Variants in SOX5 observed in about 807,000 individuals in gnomAD.
SOX5 encodes SRY-box transcription factor 5.
Under a neutral mutation model 92.0 loss-of-function variants are expected in SOX5, and 9 were observed. The ratio of observed to expected loss-of-function variants is 0.10; its 90% CI spans 0.06 to 0.17. SOX5 has a LOEUF of 0.17. Ranked by LOEUF, SOX5 falls within the 10% of genes least tolerant of loss-of-function variation. The pLI, the probability that SOX5 is intolerant of heterozygous loss-of-function variation, is 1.00. For synonymous variants in SOX5, 344 were observed against 336.3 expected (o/e 1.02, Z -0.25); for missense variants, 642 against 944.5 (o/e 0.68, Z 4.20).
intron 4 of SOX5, among the ~76,000 whole-genome samples, chr12:24,187,856 G>A (rs535973862): frequency 1.3e-5 from 2 of 152,260 alleles, no homozygotes; most frequent in South Asian, 4.1e-4. Context: ...GCAGTCTTCC[G>A]TGGCTTAAGG....
At chr12:23,638,148 A>G (rs977315177) in intron 8 of SOX5, 1 of 152,226 alleles carries the variant, frequency 6.6e-6, no homozygotes, top group Non-Finnish European at 1.5e-5. Context: ...AAGCTGTTCA[A>G]TACACAAGAA....
At chr12:23,747,817 G>T (rs933076387) in intron 4 of SOX5, among the ~76,000 whole-genome samples, 1 of 151,880 alleles carries the variant, frequency 6.6e-6, no homozygotes, top group Non-Finnish European at 1.5e-5. Flanking sequence ...TGAAATGACT[G>T]GCTTTTTTCT....
At chr12:23,759,016 C>T (rs74693326) in intron 3 of SOX5, among the ~76,000 whole-genome samples, 2 of 67,794 alleles carry the variant, frequency 3.0e-5, no homozygotes, top group African/African-American at 9.6e-5. Context: ...ACAAAACACA[C>T]ACACACACAC....
chr12:24,157,852 C>A (rs1036070619), intron 4 of SOX5, among the ~76,000 whole-genome samples: 1 of 152,068 alleles, frequency 6.6e-6, no homozygotes. Flanking sequence ...GGGCTTCTGC[C>A]TCCATGAGTC....
At chr12:24,366,465 T>C (rs1956182281) in intron 2 of SOX5, among the ~76,000 whole-genome samples, 1 of 152,150 alleles carries the variant, frequency 6.6e-6, no homozygotes, top group African/African-American at 2.4e-5. Flanking sequence ...GTTGAAGCAA[T>C]GCCCCGCCAC....
chr12:23,577,191 A>ATTTTTTTT (rs1175798388), intron 9 of SOX5, among the ~76,000 whole-genome samples: 15 of 61,406 alleles, frequency 2.4e-4, no homozygotes, highest in South Asian at 6.1e-4. Flanking sequence ...ATATATATAT[A>ATTTTTTTT]TTTTTTTTTT....
chr12:23,630,821 T>A (rs541616916), intron 8 of SOX5, among the ~76,000 whole-genome samples: 14 of 152,102 alleles, frequency 9.2e-5, no homozygotes, highest in Non-Finnish European at 1.6e-4. Context: ...AGAACCACAC[T>A]TATAACCATT....
intron 6 of SOX5, among the ~76,000 whole-genome samples, chr12:23,665,947 T>C (rs2139435416): frequency 6.6e-6 from 1 of 152,260 alleles, no homozygotes; most frequent in South Asian, 2.1e-4. Context: ...TTGGGACTAA[T>C]TCTACCATCT....
At chr12:24,226,578 C>T (rs1023552886) in intron 3 of SOX5, among the ~76,000 whole-genome samples, 3 of 152,102 alleles carry the variant, frequency 2.0e-5, no homozygotes, top group Non-Finnish European at 4.4e-5. Context: ...TCAAGCAATT[C>T]TCCTGCCTCA....
In SOX5 at chr12:24,129,384, C is replaced by T. The variant is rs571128471; in HGVS notation, c.-2+83959G>A. On this transcript the variant is annotated intron_variant, in intron 4 of 4. Coordinates refer to the SOX5 transcript ENST00000446891. ...GACTCTATTAACTACAATTTTATTA[C>T]CCAGTGTGTTATCCATTCCTTATCT... is the stretch of plus-strand genomic sequence containing the variant. Among the ~76,000 whole-genome samples, 24 of 152,156 alleles carry T rather than the reference C, an allele frequency of 1.6e-4. No individual in the cohort carries two copies. In the South Asian group the frequency reaches 4.8e-3, roughly 30 times the overall value.
At chr12:23,609,005 TAA>T (rs910789557) in intron 8 of SOX5, among the ~76,000 whole-genome samples, 1 of 152,126 alleles carries the variant, frequency 6.6e-6, no homozygotes, top group African/African-American at 2.4e-5. Flanking sequence ...TCGAAGGTGT[TAA>T]GAGAGAAGAA....
At chr12:23,875,182 G>A (rs972895114) in intron 2 of SOX5, among the ~76,000 whole-genome samples, 5 of 152,116 alleles carry the variant, frequency 3.3e-5, no homozygotes, top group African/African-American at 9.7e-5. Flanking sequence ...ATCTTATAAC[G>A]AAGCAGGAAG....
rs568540239 is a variant in SOX5 at position 23,832,807 on chromosome 12, A to C, written c.481+13176T>G. On this transcript the variant is annotated intron_variant, in intron 3 of 14. Transcript: ENST00000451604. ...TGCTCACTTTTAGGCAAAAAAAAAA[A>C]CCCTTACTTTAAATTAAAATTTGCA... Among the ~76,000 whole-genome samples, 1,301 of 151,810 alleles carry C rather than the reference A, an allele frequency of 8.6e-3. 9 individuals carry two copies. The highest frequency in any genetic ancestry group is 0.015 in the Non-Finnish European group (1,014 of 67,836).
At position 24,374,053 on chromosome 12, in the gene SOX5, C is replaced by T. The variant is rs971859790; in HGVS notation, c.-250-5414G>A. Among the ~76,000 whole-genome samples, 5 of 152,174 alleles carry T rather than the reference C, an allele frequency of 3.3e-5. No homozygotes were observed. The East Asian group carries it at 9.6e-4, about 29-fold the overall frequency. ...ACAAAAGCAAAATGCAGATCATAAACAGCCAGTGTGGGAGCTCTCACACAC... is the reference window on the plus strand; with the variant it reads ...ACAAAAGCAAAATGCAGATCATAAATAGCCAGTGTGGGAGCTCTCACACAC... On this transcript the variant is annotated intron_variant, in intron 1 of 4. Coordinates refer to the SOX5 transcript ENST00000446891.
chr12:23,603,215 T>C (rs1006794241), intron 9 of SOX5, among the ~76,000 whole-genome samples: 1 of 151,846 alleles, frequency 6.6e-6, no homozygotes, highest in Admixed American at 6.6e-5. Flanking sequence ...CTCTGGAGTA[T>C]ACAATAACTC....
At chr12:24,288,338 T>C (rs910573125) in intron 2 of SOX5, among the ~76,000 whole-genome samples, 1 of 152,226 alleles carries the variant, frequency 6.6e-6, no homozygotes, top group Non-Finnish European at 1.5e-5. Context: ...ATTTAAGCCA[T>C]CTGTTTTTGT....
rs147454127 is a variant in SOX5, at chr12:23,872,476, A to G, written c.270+23317T>C. The stretch of plus-strand genomic sequence containing the variant: ...TCCCAGAAGTTATGGTGTCATTAAA[A>G]GATCTGAAAATGTAGTCCCTCTTAT... On this transcript the variant is annotated intron_variant, in intron 2 of 14. Coordinates refer to ENST00000451604, the MANE Select transcript of SOX5 (RefSeq NM_006940.6). Among the ~76,000 whole-genome samples the G allele has an allele frequency of 1.4e-3, 208 of 152,280 alleles. 1 individual carries two copies. The highest frequency in any genetic ancestry group is 4.6e-3 in the African/African-American group (193 of 41,566).
intron 1 of SOX5, among the ~76,000 whole-genome samples, chr12:23,911,576 T>C (rs2097352124): frequency 1.3e-5 from 2 of 152,086 alleles, no homozygotes; most frequent in African/African-American, 4.8e-5. Flanking sequence ...TTAAAACCTC[T>C]CTGGAAATGT....
intron 3 of SOX5, among the ~76,000 whole-genome samples, chr12:23,825,159 CT>C (rs746218760): frequency 6.6e-6 from 1 of 152,174 alleles, no homozygotes; most frequent in African/African-American, 2.4e-5. Flanking sequence ...CTGCAGCTAG[CT>C]CAGTGCCTGC....
Sources: gnomAD v4.1 joint callset for allele counts (sites outside exome capture counted in the v4.1 genomes callset) on GRCh38, gnomAD v4.1.1 for gene constraint, MANE v1.5 for transcripts, NCBI Gene and HGNC (gene_info 2026-07-23, HGNC 2026-07-21) for gene names.